Variants in FBN1 observed in about 807,000 individuals in gnomAD.
FBN1 encodes fibrillin-1.
Under a neutral mutation model 365.1 loss-of-function variants are expected in FBN1, and 29 were observed. The observed-to-expected ratio is 0.08, with a 90% CI of 0.06 to 0.11. The LOEUF (loss-of-function observed/expected upper bound fraction) is 0.11. Ranked by LOEUF, FBN1 falls within the 10% of genes least tolerant of loss-of-function variation. FBN1 has a pLI of 1.00. For missense variants in FBN1, 2,476 were observed against 3,703.2 expected, an observed-to-expected ratio of 0.67 and a Z score of 8.60; for synonymous variants, 1,210 against 1,270.5, an observed-to-expected ratio of 0.95 and a Z score of 1.01.
chr15:48,644,534 G>T, intron 2 of FBN1, 72 bp downstream of exon 2: 1 of 1,604,368 alleles, frequency 6.2e-7, no homozygotes. Flanking sequence ...CACAGGGAGA[G>T]TCATCCTGCC....
intron 58 of FBN1, among the ~76,000 whole-genome samples, chr15:48,426,864 T>C (rs2042983011): frequency 6.6e-6 from 1 of 152,198 alleles, no homozygotes; most frequent in African/African-American, 2.4e-5. Flanking sequence ...AGTTCCATTA[T>C]TCTGCCTTCA....
chr15:48,630,346 T>C (rs1023829762), intron 2 of FBN1, among the ~76,000 whole-genome samples: 1 of 152,090 alleles, frequency 6.6e-6, no homozygotes, highest in African/African-American at 2.4e-5. Flanking sequence ...AGGGAGGAAA[T>C]CATTTAGCAA....
intron 6 of FBN1, among the ~76,000 whole-genome samples, chr15:48,568,061 A>AAAGAAAGAAAG (rs2044274116): frequency 8.2e-6 from 1 of 121,800 alleles, no homozygotes; most frequent in Non-Finnish European, 1.7e-5. Flanking sequence ...AGAAAGAAAG[A>AAAGAAAGAAAG]AAGAAAGAAA....
In FBN1 at chr15:48,568,042, A is replaced by AAAGAAAGAAAGAAAGAAAG. The variant is rs1597609672; in HGVS notation, c.538+28240_538+28241insCTTTCTTTCTTTCTTTCTT. Among the ~76,000 whole-genome samples, 3 of 85,416 alleles carry AAAGAAAGAAAGAAAGAAAG rather than the reference A, an allele frequency of 3.5e-5. No homozygotes were observed. In the East Asian group the frequency reaches 8.6e-4, roughly 24 times the overall value. The allele number at this position is 85,416 out of a possible 152,430, so 56.0% of individuals were successfully genotyped here. ...GAAAGAAAGAAAGAAAGAAAGAAAGAAAGAAAGAAGAAAGAAAGAAAGAAA... is the reference window on the plus strand; with the variant it reads ...GAAAGAAAGAAAGAAAGAAAGAAAGAAAGAAAGAAAGAAAGAAAGAAGAAAGAAGAAAGAAAGAAAGAAA... On this transcript the variant is annotated intron_variant, in intron 6 of 65. Transcript: ENST00000316623.
chr15:48,411,694 AC>A (rs2042865238), intron 65 of FBN1, among the ~76,000 whole-genome samples: 1 of 152,196 alleles, frequency 6.6e-6, no homozygotes. Context: ...TCTCGGCATC[AC>A]CCCAGAACTA....
chr15:48,423,943 T>A (rs916501322), intron 60 of FBN1, among the ~76,000 whole-genome samples: 3 of 152,248 alleles, frequency 2.0e-5, no homozygotes, highest in African/African-American at 7.2e-5. Context: ...TTTCATCTTT[T>A]AATTGCTGGA....
At chr15:48,448,741 A>G in intron 46 of FBN1, 27 bp downstream of exon 46, 1 of 1,607,704 alleles carries the variant, frequency 6.2e-7, no homozygotes. Context: ...CAGCATATGA[A>G]AAAAATAATA....
At chr15:48,529,274 G>A (rs1001597992) in intron 8 of FBN1, 1 of 152,354 alleles carries the variant, frequency 6.6e-6, no homozygotes, top group African/African-American at 2.4e-5. Context: ...CATGGTAGCT[G>A]TCCATGACCC....
intron 6 of FBN1, among the ~76,000 whole-genome samples, chr15:48,580,196 TAC>T (rs956783830): frequency 9.2e-5 from 14 of 152,160 alleles, no homozygotes; most frequent in Non-Finnish European, 1.6e-4. Flanking sequence ...AAGAAGAATA[TAC>T]AGTCATCATG....
chr15:48,415,538 T>C lies in FBN1; in HGVS notation c.8049A>G (p.Gln2683=), dbSNP rs1208510012. 6 of 1,610,134 alleles carry C rather than the reference T, an allele frequency of 3.7e-6. No homozygotes were observed. Among genetic ancestry groups the C allele is most frequent in the South Asian group, 3.3e-5 (3 of 90,992 alleles). ...GCPPGYFRIG[Q]GHCVSGMGMG... is the part of the protein sequence containing the mutation. ...TGACCAGGAAGAGCACTGCTTACCCTTGGCCTATGCGGAAGTAACCAGGTG... is the reference window on the plus strand; with the variant it reads ...TGACCAGGAAGAGCACTGCTTACCCCTGGCCTATGCGGAAGTAACCAGGTG... Residue 2683 remains glutamine, a splice_region_variant and synonymous_variant, in exon 64 of 66, where the codon CAA becomes CAG. Coordinates refer to ENST00000316623, the MANE Select transcript of FBN1 (RefSeq NM_000138.5).
At chr15:48,643,232 T>C (rs1410058918) in intron 2 of FBN1, 1 of 152,274 alleles carries the variant, frequency 6.6e-6, no homozygotes. Context: ...GAACTTGCCA[T>C]GTGCCTTGCA....
At position 48,526,103 on chromosome 15, in the gene FBN1, ATGCATGCTGTT is replaced by A. The variant is rs1267804240; in HGVS notation, c.988+16_988+26del. ...GTTATGGAACTGACTTACACAAACC[ATGCATGCTGTT>A]TGTCATTAAACCTACCTATGCATCT... On this transcript the variant is annotated intron_variant, in intron 9 of 65. Transcript: ENST00000316623. 55 of 1,613,740 alleles carry A rather than the reference ATGCATGCTGTT, an allele frequency of 3.4e-5. No homozygotes were observed. The highest frequency in any genetic ancestry group is 4.4e-5 in the Non-Finnish European group (52 of 1,179,736).
chr15:48,421,472 G>A, intron 62 of FBN1, 86 bp downstream of exon 62: 5 of 1,516,490 alleles, frequency 3.3e-6, no homozygotes, highest in East Asian at 4.8e-5. Flanking sequence ...CTATCTCATA[G>A]AGGCTGATGA....
chr15:48,465,493 TA>T, intron 40 of FBN1, 74 bp downstream of exon 40: 1 of 1,546,110 alleles, frequency 6.5e-7, no homozygotes, highest in Admixed American at 1.7e-5. Context: ...TCTATTTTCC[TA>T]GTAACCATAT....
intron 6 of FBN1, among the ~76,000 whole-genome samples, chr15:48,592,622 G>A (rs751710083): frequency 6.6e-6 from 1 of 152,006 alleles, no homozygotes; most frequent in Non-Finnish European, 1.5e-5. Flanking sequence ...GGAGTAGGAG[G>A]CAACAAGAAA....
At chr15:48,452,748 C>G (rs1348096693) in intron 44 of FBN1, 64 bp from the exon 45 acceptor site, 1 of 1,575,160 alleles carries the variant, frequency 6.3e-7, no homozygotes, top group Non-Finnish European at 8.7e-7. Context: ...AACAAAGCCT[C>G]TCACATGAAA....
At chr15:48,570,192 A>T (rs779671487) in intron 6 of FBN1, among the ~76,000 whole-genome samples, 3 of 152,198 alleles carry the variant, frequency 2.0e-5, no homozygotes, top group Non-Finnish European at 4.4e-5. Flanking sequence ...TGGGGCAGAT[A>T]CTAAACCTGT....
At chr15:48,449,744 G>C (rs1301180655) in intron 45 of FBN1, among the ~76,000 whole-genome samples, 2 of 152,186 alleles carry the variant, frequency 1.3e-5, no homozygotes, top group Non-Finnish European at 2.9e-5. Flanking sequence ...TGTCACAGAA[G>C]AAAGCAAATG....
chr15:48,497,128 T>C, intron 19 of FBN1, 138 bp downstream of exon 19: 2 of 928,732 alleles, frequency 2.2e-6, no homozygotes, highest in Non-Finnish European at 1.8e-6. Context: ...AAGATATGTA[T>C]ATGCTGTGCT....
Sources: allele counts gnomAD v4.1 joint callset (sites outside exome capture counted in the v4.1 genomes callset), GRCh38; gene constraint gnomAD v4.1.1; transcripts MANE v1.5; gene names NCBI Gene and HGNC (gene_info 2026-07-23, HGNC 2026-07-21).